Variants in DNAH14 observed in about 807,000 individuals in gnomAD.
The protein encoded by DNAH14 is dynein axonemal heavy chain 14.
In DNAH14, 478 loss-of-function variants were observed where a neutral mutation model predicts 520.9. The ratio of observed to expected loss-of-function variants is 0.92; its 90% confidence interval spans 0.85 to 0.99. The LOEUF is 0.99. Among genes scored for constraint, DNAH14 ranks in the 50% least tolerant of loss-of-function variants. The probability of loss-of-function intolerance (pLI) is 0.00; values close to 1 mark genes in which losing one functional copy is unlikely to be tolerated. For missense variants in DNAH14, 4,831 were observed against 5,234.5 expected, an observed-to-expected ratio of 0.92 and a Z score of 2.38; for synonymous variants, 1,581 against 1,757.2, an observed-to-expected ratio of 0.90 and a Z score of 2.51.
intron 27 of DNAH14, among the ~76,000 whole-genome samples, chr1:225,134,822 G>A (rs2078811863): frequency 6.6e-6 from 1 of 152,056 alleles, no homozygotes; most frequent in Admixed American, 6.6e-5. Context: ...TTGTACCTCT[G>A]ATAGTATTCA....
intron 64 of DNAH14, among the ~76,000 whole-genome samples, chr1:225,326,783 A>G (rs1208937711): frequency 6.6e-6 from 1 of 152,206 alleles, no homozygotes; most frequent in Non-Finnish European, 1.5e-5. Context: ...CTCTATGTAA[A>G]CAAATTTAAA....
intron 53 of DNAH14, among the ~76,000 whole-genome samples, chr1:225,276,999 A>AGGGAGGG (rs1558242269): frequency 4.8e-4 from 20 of 41,728 alleles, no homozygotes; most frequent in African/African-American, 1.7e-3. Context: ...GGGAGGAAGG[A>AGGGAGGG]AGGGAGGGAG....
At chr1:224,954,913 G>GT in intron 2 of DNAH14, 46 bp from the exon 3 acceptor site, 1 of 1,474,462 alleles carries the variant, frequency 6.8e-7, no homozygotes. Flanking sequence ...TTTTATTGGT[G>GT]TGATTTTCCA....
rs746425366 is a variant in DNAH14, at chr1:225,270,893, G to GA, written c.7671+34dup. The GA allele has an allele frequency of 6.1e-5, 93 of 1,530,482 alleles. No individual in the cohort carries two copies. The African/African-American group carries it at 6.4e-4, about 10-fold the overall frequency. 94.8% of individuals were successfully genotyped at this position (1,530,482 alleles called of 1,614,324 possible). The stretch of plus-strand genomic sequence containing the variant: ...TAACACATCTAGTTCATTTTCTACT[G>GA]AAAAAAATTAATTCCCTAGAATAAG... On this transcript the variant is annotated intron_variant, in intron 50 of 85. Coordinates refer to ENST00000682510, the MANE Select transcript of DNAH14 (RefSeq NM_001367479.1).
intron 38 of DNAH14, among the ~76,000 whole-genome samples, chr1:225,199,425 C>G (rs1213696920): frequency 6.6e-6 from 1 of 151,914 alleles, no homozygotes; most frequent in Non-Finnish European, 1.5e-5. Flanking sequence ...GAAGTGTGAC[C>G]TTAGAAAGTC....
intron 21 of DNAH14, among the ~76,000 whole-genome samples, chr1:225,087,715 T>C (rs1490292141): frequency 1.3e-5 from 2 of 152,196 alleles, no homozygotes; most frequent in East Asian, 3.9e-4. Flanking sequence ...CAATGGAGGC[T>C]ACAGTATTTA....
At chr1:225,370,701 CA>C (rs1575067526) in intron 77 of DNAH14, among the ~76,000 whole-genome samples, 2 of 151,112 alleles carry the variant, frequency 1.3e-5, no homozygotes, top group Non-Finnish European at 3.0e-5. Context: ...AATTAGAAAA[CA>C]AAAGAAAATA....
chr1:225,318,217 G>A (rs763000591), intron 60 of DNAH14, among the ~76,000 whole-genome samples: 5 of 152,208 alleles, frequency 3.3e-5, no homozygotes, highest in Non-Finnish European at 5.9e-5. Flanking sequence ...TGGAAGGGGT[G>A]TGTGCAAGTG....
chr1:224,950,645 T>C (rs1413010561), intron 1 of DNAH14, among the ~76,000 whole-genome samples: 1 of 152,250 alleles, frequency 6.6e-6, no homozygotes, highest in Non-Finnish European at 1.5e-5. Flanking sequence ...AAGTCAATGC[T>C]GAGGTTGGGG....
rs979469326 is a variant in DNAH14 at position 225,290,034 on chromosome 1, A to G, written c.8421A>G (p.Leu2807=). The change falls in exon 55 of 86, where the codon TTA becomes TTG. Residue 2807 remains leucine, a synonymous_variant. Coordinates refer to ENST00000682510, the MANE Select transcript of DNAH14 (RefSeq NM_001367479.1). ...VFKKVFIHAG[L]KGKPTVLMVP... ...AAAAGGTGTTTATTCACGCAGGATT[A>G]AAAGGGAAACCCACTGTTCTGATGG... 9.2e-6 allele frequency: 14 copies of G among 1,526,616 alleles called. No homozygotes were observed. The African/African-American group carries it at 1.8e-4, about 20-fold the overall frequency. 94.6% of individuals were successfully genotyped at this position (1,526,616 alleles called of 1,614,324 possible).
rs763222556 is a variant in DNAH14 at position 225,042,817 on chromosome 1, C to A, written c.1489-18C>A. 2 of 1,540,114 alleles carry A rather than the reference C, an allele frequency of 1.3e-6. No individual in the cohort carries two copies. The highest frequency in any genetic ancestry group is 2.8e-5 in the African/African-American group (2 of 72,634). On this transcript the variant is annotated intron_variant, in intron 12 of 85. Coordinates refer to ENST00000682510, the MANE Select transcript of DNAH14 (RefSeq NM_001367479.1). ...TTATATGTTGTCACTGGCACCCTCA[C>A]ATTATCCGTTAAATTAGATTTTGAA...
chr1:224,985,664 G>A (rs1365806960), intron 8 of DNAH14, among the ~76,000 whole-genome samples: 2 of 151,934 alleles, frequency 1.3e-5, no homozygotes, highest in South Asian at 2.1e-4. Context: ...AGAAATTCAA[G>A]ATAACACAGA....
intron 1 of DNAH14, among the ~76,000 whole-genome samples, chr1:224,950,800 T>C (rs2060118296): frequency 6.6e-6 from 1 of 152,216 alleles, no homozygotes; most frequent in African/African-American, 2.4e-5. Flanking sequence ...TAACACTAAC[T>C]TCGAATCCCA....
At chr1:225,089,441 T>A (rs1335959621) in intron 21 of DNAH14, among the ~76,000 whole-genome samples, 6 of 8,908 alleles carry the variant, frequency 6.7e-4, no homozygotes, top group African/African-American at 2.5e-3. Context: ...CAAAACTCCG[T>A]CAAAAAAAAA....
Position 225,358,537 on chromosome 1 carries a change from A to C in DNAH14, c.11661A>C (p.Arg3887Ser), listed in dbSNP as rs2095457392. ...CAGAAAGTTTAAACAATTCAGTGAG[A>C]AAGTTTATAACTGAAAAAATGGGAA... ...LRPESLNNSV[R>S]KFITEKMGNK... The change falls in exon 74 of 86, where the codon AGA becomes AGC. Residue 3887 changes from arginine to serine, a missense_variant. Transcript: ENST00000682510. The C allele has an allele frequency of 6.5e-7, 1 of 1,543,876 alleles. No individual in the cohort carries two copies. Among genetic ancestry groups the C allele is most frequent in the Non-Finnish European group, 8.7e-7 (1 of 1,143,818 alleles).
chr1:225,265,146 T>A, intron 47 of DNAH14, 36 bp from the exon 48 acceptor site: 1 of 1,373,200 alleles, frequency 7.3e-7, no homozygotes, highest in Non-Finnish European at 9.5e-7. Context: ...TAAAGTGTCC[T>A]AAATTTGTTT....
chr1:225,071,213 A>G (rs952449927), intron 17 of DNAH14, among the ~76,000 whole-genome samples: 3 of 152,066 alleles, frequency 2.0e-5, no homozygotes, highest in African/African-American at 7.2e-5. Flanking sequence ...GTGGATTTGA[A>G]CCTATCATCA....
Position 224,960,223 on chromosome 1 carries a change from G to A in DNAH14, c.288G>A (p.Gly96=). 6.2e-7 allele frequency: 1 copy of A among 1,611,628 alleles called. No individual in the cohort carries two copies. The highest frequency in any genetic ancestry group is 1.1e-5 in the South Asian group (1 of 90,770). The change falls in exon 4 of 86, where the codon GGG becomes GGA. Residue 96 remains glycine, a synonymous_variant. Coordinates refer to ENST00000682510, the MANE Select transcript of DNAH14 (RefSeq NM_001367479.1). ...AGCCAGCTTCCCTTAAGGAGAAAGGGAAGTCAAGGAGAAAAAAGGATCAAA... is the reference window on the plus strand; with the variant it reads ...AGCCAGCTTCCCTTAAGGAGAAAGGAAAGTCAAGGAGAAAAAAGGATCAAA... The part of the protein sequence containing the change: ...SPEPASLKEK[G]KSRRKKDQTH...
chr1:225,387,097 T>G (rs569776455), intron 81 of DNAH14, among the ~76,000 whole-genome samples: 1 of 152,238 alleles, frequency 6.6e-6, no homozygotes, highest in East Asian at 1.9e-4. Context: ...GGGACATGGA[T>G]GAAGCTGGAA....
Sources: gnomAD v4.1 joint callset for allele counts (sites outside exome capture counted in the v4.1 genomes callset) on GRCh38, gnomAD v4.1.1 for gene constraint, MANE v1.5 for transcripts, NCBI Gene and HGNC (gene_info 2026-07-23, HGNC 2026-07-21) for gene names.